CNTNAP2: variants seen among roughly 807,000 people sequenced by gnomAD.
CNTNAP2 encodes contactin associated protein 2.
In CNTNAP2, 98 loss-of-function variants were observed where a neutral mutation model predicts 155.2. That is an observed-to-expected ratio of 0.63 (90% confidence interval 0.54 to 0.75). CNTNAP2 has a LOEUF of 0.75. CNTNAP2 is among the 30% of genes least tolerant of loss of function. The pLI, the probability that CNTNAP2 is intolerant of heterozygous loss-of-function variation, is 0.00. For missense variants in CNTNAP2, 1,727 were observed against 1,688.1 expected (o/e 1.02, Z -0.40); for synonymous variants, 651 against 631.2 (o/e 1.03, Z -0.47).
intron 11 of CNTNAP2, among the ~76,000 whole-genome samples, chr7:147,487,841 G>C (rs1314046395): frequency 6.6e-6 from 1 of 152,118 alleles, no homozygotes; most frequent in Non-Finnish European, 1.5e-5. Flanking sequence ...AAAGGTAAAA[G>C]ACAAAAATTG....
chr7:148,197,112 A>G (rs750716961), intron 18 of CNTNAP2, among the ~76,000 whole-genome samples: 4 of 152,220 alleles, frequency 2.6e-5, no homozygotes, highest in Non-Finnish European at 4.4e-5. Flanking sequence ...ACACAAAGGG[A>G]AAAAAATCAT....
At chr7:146,147,375 A>G (rs567996877) in intron 1 of CNTNAP2, among the ~76,000 whole-genome samples, 3 of 152,282 alleles carry the variant, frequency 2.0e-5, no homozygotes, top group East Asian at 3.9e-4. Context: ...AGTAACAAAC[A>G]AGATTTAAAA....
chr7:146,236,065 C>T (rs802579), intron 1 of CNTNAP2, among the ~76,000 whole-genome samples: 75,468 of 151,584 alleles, frequency 0.5, 19,146 homozygotes, highest in East Asian at 0.64. Context: ...TTACTTTTTA[C>T]TGTACATCTG....
intron 1 of CNTNAP2, among the ~76,000 whole-genome samples, chr7:146,521,547 G>T (rs2129137501): frequency 6.6e-6 from 1 of 151,922 alleles, no homozygotes; most frequent in Admixed American, 6.6e-5. Flanking sequence ...GTTACAAAAA[G>T]AAACTACAAA....
intron 1 of CNTNAP2, among the ~76,000 whole-genome samples, chr7:146,516,978 A>T (rs1384982437): frequency 6.6e-6 from 1 of 152,022 alleles, no homozygotes; most frequent in Non-Finnish European, 1.5e-5. Context: ...TCATTCTCAG[A>T]GTTTTAGTTA....
In CNTNAP2 at chr7:146,680,138, A is replaced by G. The variant is rs547728626; in HGVS notation, c.98-94133A>G. ...TTATTCATTTCAGTTAGGTATTATT[A>G]TTATGACCACTTTATACATGAGGAC... On this transcript the variant is annotated intron_variant, in intron 1 of 23. Transcript: ENST00000361727. Among the ~76,000 whole-genome samples the G allele has an allele frequency of 2.9e-3, 438 of 152,314 alleles. 2 individuals are homozygous for G. The highest frequency in any genetic ancestry group is 0.014 in the Middle Eastern group (4 of 294).
intron 1 of CNTNAP2, among the ~76,000 whole-genome samples, chr7:146,761,920 G>A (rs1435993512): frequency 2.6e-5 from 4 of 151,954 alleles, no homozygotes; most frequent in South Asian, 2.1e-4. Context: ...TTTTCAAATC[G>A]CCACTTCAAA....
intron 20 of CNTNAP2, among the ~76,000 whole-genome samples, chr7:148,249,779 T>C (rs569327307): frequency 6.6e-6 from 1 of 152,298 alleles, no homozygotes; most frequent in Middle Eastern, 3.4e-3. Flanking sequence ...ACATCCGGTT[T>C]TTCAGAACCT....
At chr7:148,360,412 C>T (rs1798596525) in intron 21 of CNTNAP2, among the ~76,000 whole-genome samples, 1 of 152,282 alleles carries the variant, frequency 6.6e-6, no homozygotes, top group Non-Finnish European at 1.5e-5. Context: ...AGTTTTGAAA[C>T]ACAGCCCTCA....
chr7:148,063,584 T>A (rs889474493), intron 15 of CNTNAP2, among the ~76,000 whole-genome samples: 1 of 149,970 alleles, frequency 6.7e-6, no homozygotes, highest in Non-Finnish European at 1.5e-5. Flanking sequence ...TTTCTTTTTT[T>A]AATTTTTTTT....
At chr7:146,833,808 G>C (rs1803561276) in intron 2 of CNTNAP2, among the ~76,000 whole-genome samples, 1 of 152,172 alleles carries the variant, frequency 6.6e-6, no homozygotes, top group South Asian at 2.1e-4. Flanking sequence ...TCCGGACTCT[G>C]TCTGGCCTCG....
At chr7:147,945,706 T>TAA (rs1554453046) in intron 14 of CNTNAP2, among the ~76,000 whole-genome samples, 3 of 147,278 alleles carry the variant, frequency 2.0e-5, no homozygotes, top group East Asian at 2.1e-4. Flanking sequence ...TATATATATA[T>TAA]AACTAATCAC....
At chr7:148,191,169 T>A (rs1795198281) in intron 18 of CNTNAP2, among the ~76,000 whole-genome samples, 1 of 152,206 alleles carries the variant, frequency 6.6e-6, no homozygotes, top group Non-Finnish European at 1.5e-5. Context: ...TCGTGAGGAC[T>A]CCACCCTCAT....
At chr7:147,712,012 C>T (rs541318486) in intron 13 of CNTNAP2, among the ~76,000 whole-genome samples, 1 of 152,144 alleles carries the variant, frequency 6.6e-6, no homozygotes, top group Non-Finnish European at 1.5e-5. Context: ...GCTCTATCCT[C>T]TTTCTCAAAT....
chr7:147,280,925 T>C (rs1053027583), intron 8 of CNTNAP2, among the ~76,000 whole-genome samples: 6 of 151,894 alleles, frequency 4.0e-5, no homozygotes, highest in Non-Finnish European at 8.8e-5. Context: ...ATACTGATGA[T>C]AAGTGGCAGC....
intron 21 of CNTNAP2, among the ~76,000 whole-genome samples, chr7:148,350,939 A>C (rs1798415217): frequency 6.6e-6 from 1 of 152,198 alleles, no homozygotes. Flanking sequence ...TTGTGCCTAC[A>C]CTTGTTCATT....
At chr7:146,981,477 G>A (rs1038795723) in intron 3 of CNTNAP2, among the ~76,000 whole-genome samples, 5 of 152,084 alleles carry the variant, frequency 3.3e-5, no homozygotes, top group Non-Finnish European at 5.9e-5. Flanking sequence ...CTGCTGATTG[G>A]ATTGAACTAC....
At chr7:146,528,114 T>C (rs1282823823) in intron 1 of CNTNAP2, among the ~76,000 whole-genome samples, 1 of 152,180 alleles carries the variant, frequency 6.6e-6, no homozygotes, top group African/African-American at 2.4e-5. Context: ...TGAAAGTCCT[T>C]TTTACTCGGT....
At chr7:146,351,395 G>A (rs1471766078) in intron 1 of CNTNAP2, among the ~76,000 whole-genome samples, 1 of 152,034 alleles carries the variant, frequency 6.6e-6, no homozygotes, top group Non-Finnish European at 1.5e-5. Flanking sequence ...TGTTTGATGG[G>A]TTTTTATGTT....
Sources: allele counts gnomAD v4.1 joint callset (sites outside exome capture counted in the v4.1 genomes callset), GRCh38; gene constraint gnomAD v4.1.1; transcripts MANE v1.5; gene names NCBI Gene and HGNC (gene_info 2026-07-23, HGNC 2026-07-21).